Variants in SPSB4 observed in about 807,000 individuals in gnomAD.
SPSB4 encodes the protein splA/ryanodine receptor domain and SOCS box containing 4, also known as SPRY domain-containing SOCS box protein 4.
SPSB4 carries 21 observed loss-of-function variants against 20.9 expected under a neutral mutation model. The observed-to-expected ratio is 1.01, with a 90% confidence interval of 0.71 to 1.45. The LOEUF (loss-of-function observed/expected upper bound fraction) is 1.45. SPSB4 is among the 40% of genes most tolerant of loss of function. SPSB4 has a pLI of 0.00. For synonymous variants in SPSB4, 207 were observed against 183.8 expected, an observed-to-expected ratio of 1.13 and a Z score of -1.02; for missense variants, 399 against 399.2, an observed-to-expected ratio of 1.00 and a Z score of 0.00.
chr3:141,063,226 T>C (rs888076100), intron 1 of SPSB4, among the ~76,000 whole-genome samples: 6 of 152,258 alleles, frequency 3.9e-5, no homozygotes, highest in Non-Finnish European at 7.3e-5. Flanking sequence ...TGCCCTTCCT[T>C]TATTTTCAAA....
intron 2 of SPSB4, among the ~76,000 whole-genome samples, chr3:141,075,037 T>G (rs1266134966): frequency 6.6e-6 from 1 of 151,812 alleles, no homozygotes; most frequent in Non-Finnish European, 1.5e-5. Flanking sequence ...ACCTGCCAGG[T>G]AGTGGCAGAA....
At chr3:141,076,247 G>A (rs1938107673) in intron 2 of SPSB4, among the ~76,000 whole-genome samples, 1 of 152,184 alleles carries the variant, frequency 6.6e-6, no homozygotes, top group Non-Finnish European at 1.5e-5. Flanking sequence ...GCTTGGCCCT[G>A]CTCCCGACAA....
At chr3:141,126,880 C>A (rs1411382759) in intron 2 of SPSB4, among the ~76,000 whole-genome samples, 1 of 152,204 alleles carries the variant, frequency 6.6e-6, no homozygotes, top group East Asian at 1.9e-4. Context: ...CTGGCTTGGG[C>A]CTTACACTAG....
chr3:141,092,145 C>T (rs1325104913), intron 2 of SPSB4, among the ~76,000 whole-genome samples: 1 of 152,176 alleles, frequency 6.6e-6, no homozygotes, highest in Non-Finnish European at 1.5e-5. Context: ...ATCTCAGCTT[C>T]CTTTATCCCG....
At chr3:141,139,112 T>G (rs966297158) in intron 2 of SPSB4, among the ~76,000 whole-genome samples, 4 of 152,218 alleles carry the variant, frequency 2.6e-5, no homozygotes, top group Non-Finnish European at 4.4e-5. Context: ...TCTCTTTTGA[T>G]CTTTGTTGGT....
At chr3:141,073,215 A>G (rs1408769382) in intron 2 of SPSB4, among the ~76,000 whole-genome samples, 1 of 152,212 alleles carries the variant, frequency 6.6e-6, no homozygotes, top group Non-Finnish European at 1.5e-5. Context: ...ATTAGAAGTG[A>G]TGCAGAAATG....
At chr3:141,143,702 T>C (rs570085499) in intron 2 of SPSB4, among the ~76,000 whole-genome samples, 1 of 152,332 alleles carries the variant, frequency 6.6e-6, no homozygotes, top group Admixed American at 6.5e-5. Flanking sequence ...TGGAGCAAGG[T>C]TGTTCTGTCA....
intron 1 of SPSB4, among the ~76,000 whole-genome samples, chr3:141,062,343 TA>T (rs776749924): frequency 3.3e-5 from 5 of 151,758 alleles, no homozygotes; most frequent in Non-Finnish European, 7.4e-5. Flanking sequence ...TAACATAATA[TA>T]ATATGATACA....
chr3:141,127,331 C>G (rs1939064698), intron 2 of SPSB4, among the ~76,000 whole-genome samples: 1 of 152,222 alleles, frequency 6.6e-6, no homozygotes, highest in Non-Finnish European at 1.5e-5. Flanking sequence ...AGTGTGAGCC[C>G]ATGGCTAAAA....
intron 2 of SPSB4, among the ~76,000 whole-genome samples, chr3:141,075,810 G>A (rs1430868072): frequency 1.3e-5 from 2 of 151,240 alleles, no homozygotes; most frequent in Non-Finnish European, 2.9e-5. Flanking sequence ...ACTTTGGGAG[G>A]CCGAGGCAGG....
chr3:141,139,570 T>G (rs573683120), intron 2 of SPSB4, among the ~76,000 whole-genome samples: 108 of 152,312 alleles, frequency 7.1e-4, no homozygotes, highest in African/African-American at 2.3e-3. Context: ...GTCTGTGAAG[T>G]ATTTTATTTC....
rs57674247 is a variant in SPSB4 at position 141,142,803 on chromosome 3, C to CTTTTTTT, written c.695-4314_695-4308dup. 8.7e-3 allele frequency among the ~76,000 whole-genome samples: 543 copies of CTTTTTTT among 62,074 alleles called. 66 individuals are homozygous for CTTTTTTT. The highest frequency in any genetic ancestry group is 0.016 in the Middle Eastern group (1 of 64). The allele number at this position is 62,074 out of a possible 152,430, so 40.7% of individuals were successfully genotyped here. On this transcript the variant is annotated intron_variant, in intron 2 of 2. Transcript: ENST00000310546. ...ATTATGATATAATGTCCCTCTTTGTCTTTTTTTTTTTTTTTTTTTTTTTTT... is the reference window on the plus strand; with the variant it reads ...ATTATGATATAATGTCCCTCTTTGTCTTTTTTTTTTTTTTTTTTTTTTTTTTTTTTTT...
At chr3:141,054,854 G>T (rs1937609076) in intron 1 of SPSB4, among the ~76,000 whole-genome samples, 1 of 152,176 alleles carries the variant, frequency 6.6e-6, no homozygotes, top group Admixed American at 6.5e-5. Flanking sequence ...AGTCCCAGCT[G>T]CTGGGGAGGC....
chr3:141,095,785 C>G lies in SPSB4; in HGVS notation c.694+28987C>G, dbSNP rs139828105. Among the ~76,000 whole-genome samples, 6 of 152,232 alleles carry G rather than the reference C, an allele frequency of 3.9e-5. No individual in the cohort carries two copies. In the East Asian group the frequency reaches 1.2e-3, roughly 29 times the overall value. The stretch of plus-strand genomic sequence containing the variant: ...AGGTACTGTCCCAGGATGAGGGAGG[C>G]CCAGGGAGGAGATGTGGCAGAGATT... On this transcript the variant is annotated intron_variant, in intron 2 of 2. Coordinates refer to ENST00000310546, the MANE Select transcript of SPSB4 (RefSeq NM_080862.3).
At chr3:141,052,899 C>A (rs1322774149) in intron 1 of SPSB4, among the ~76,000 whole-genome samples, 1 of 152,200 alleles carries the variant, frequency 6.6e-6, no homozygotes, top group Non-Finnish European at 1.5e-5. Flanking sequence ...CTCTGACTGG[C>A]GGGAGAACCG....
At chr3:141,066,843 G>A (rs1044728875) in intron 2 of SPSB4, 45 bp downstream of exon 2, 2 of 1,487,418 alleles carry the variant, frequency 1.3e-6, no homozygotes, top group African/African-American at 1.4e-5. Flanking sequence ...GAGGCTGCCA[G>A]GCCCTAGGGA....
chr3:141,138,897 T>C (rs899221774), intron 2 of SPSB4, among the ~76,000 whole-genome samples: 1 of 152,164 alleles, frequency 6.6e-6, no homozygotes, highest in Admixed American at 6.5e-5. Flanking sequence ...CCTTGTTAAC[T>C]TTCTGTCTCG....
intron 2 of SPSB4, among the ~76,000 whole-genome samples, chr3:141,104,310 G>A (rs1417184311): frequency 6.6e-6 from 1 of 152,170 alleles, no homozygotes; most frequent in East Asian, 1.9e-4. Flanking sequence ...GCTGGAATGT[G>A]CTTCATTTCT....
intron 2 of SPSB4, among the ~76,000 whole-genome samples, chr3:141,132,002 T>C (rs562387583): frequency 1.1e-4 from 17 of 152,142 alleles, no homozygotes; most frequent in South Asian, 6.2e-4. Flanking sequence ...TTTTTTTTCT[T>C]TCCTAATTTC....
Sources: allele counts gnomAD v4.1 joint callset (sites outside exome capture counted in the v4.1 genomes callset), GRCh38; gene constraint gnomAD v4.1.1; transcripts MANE v1.5; gene names NCBI Gene and HGNC (gene_info 2026-07-23, HGNC 2026-07-21).